MAPK8: variants seen among roughly 807,000 people sequenced by gnomAD.
The protein encoded by MAPK8 is JUN N-terminal kinase.
A neutral mutation model predicts 52.9 loss-of-function variants in MAPK8; 13 were observed. The observed-to-expected ratio is 0.25, with a 90% CI of 0.16 to 0.39. The LOEUF is 0.39. MAPK8 is among the 10% of genes least tolerant of loss of function. MAPK8 has a pLI of 1.00. For missense variants in MAPK8, 300 were observed against 519.2 expected, an observed-to-expected ratio of 0.58 and a Z score of 4.10; for synonymous variants, 191 against 169.8, an observed-to-expected ratio of 1.12 and a Z score of -0.97.
In MAPK8 at chr10:48,306,736, G is replaced by A. The variant is rs1364305903; in HGVS notation, c.-135G>A. On this transcript the variant is annotated 5_prime_UTR_variant, in exon 1 of 12. Transcript: ENST00000374189. ...GGCTTGGATTGCGGAGCCGCGAGCAGCGCTGGGTAACGGCCGCGGCGACCA... is the reference window on the plus strand; with the variant it reads ...GGCTTGGATTGCGGAGCCGCGAGCAACGCTGGGTAACGGCCGCGGCGACCA... 2 of 151,574 alleles carry A rather than the reference G, an allele frequency of 1.3e-5. No homozygotes were observed. The highest frequency in any genetic ancestry group is 1.3e-4 in the Admixed American group (2 of 15,240). The allele number at this position is 151,574 out of a possible 1,614,324, so 9.4% of individuals were successfully genotyped here. A position where few individuals can be genotyped will look rare whatever the true frequency, so the allele number is the denominator to read the frequency against.
At chr10:48,382,118 A>G (rs758705069) in intron 1 of MAPK8, among the ~76,000 whole-genome samples, 2 of 152,182 alleles carry the variant, frequency 1.3e-5, no homozygotes, top group African/African-American at 2.4e-5. Flanking sequence ...TAATGAGTCT[A>G]ATACATAAGC....
intron 1 of MAPK8, among the ~76,000 whole-genome samples, chr10:48,369,480 C>G (rs1247522474): frequency 1.3e-5 from 2 of 152,220 alleles, no homozygotes; most frequent in South Asian, 2.1e-4. Context: ...TTGAGATAGC[C>G]TCAAGACATC....
rs552716792 is a variant in MAPK8 at position 48,330,747 on chromosome 10, G to A, written c.-50+23926G>A. ...AGTACTATGGGGTTACAGTCTTCCCGGACGTTGCCTAAGTTTCATTATCCC... is the reference window on the plus strand; with the variant it reads ...AGTACTATGGGGTTACAGTCTTCCCAGACGTTGCCTAAGTTTCATTATCCC... On this transcript the variant is annotated intron_variant, in intron 1 of 11. Transcript: ENST00000374189. Among the ~76,000 whole-genome samples the A allele has an allele frequency of 6.6e-5, 10 of 152,204 alleles. No individual in the cohort carries two copies. The South Asian group carries it at 8.3e-4, about 13-fold the overall frequency.
chr10:48,419,211 G>C (rs1186377287), intron 5 of MAPK8, among the ~76,000 whole-genome samples: 1 of 152,110 alleles, frequency 6.6e-6, no homozygotes, highest in Non-Finnish European at 1.5e-5. Flanking sequence ...CATTACAAAA[G>C]TAATACAAAA....
rs531207302 is a variant in MAPK8 at position 48,435,663 on chromosome 10, G to A, written c.*634G>A. 18 of 152,290 alleles carry A rather than the reference G, an allele frequency of 1.2e-4. No individual in the cohort carries two copies. Among genetic ancestry groups the A allele is most frequent in the African/African-American group, 3.6e-4 (15 of 41,558 alleles). The allele number at this position is 152,290 out of a possible 1,614,324, so 9.4% of individuals were successfully genotyped here. On this transcript the variant is annotated 3_prime_UTR_variant, in exon 12 of 12. Transcript: ENST00000374189. ...CCTACTTAATTTTGGCAAAAGCCCC[G>A]TCATCTAAATGGCAGAATAACTCAG...
At chr10:48,403,874 G>A (rs1198036425) in intron 2 of MAPK8, among the ~76,000 whole-genome samples, 4 of 150,624 alleles carry the variant, frequency 2.7e-5, no homozygotes, top group Non-Finnish European at 5.9e-5. Context: ...TCAGCCTCCG[G>A]AGTAGCTGGG....
intron 1 of MAPK8, among the ~76,000 whole-genome samples, chr10:48,380,394 T>A (rs2132721763): frequency 6.6e-6 from 1 of 152,274 alleles, no homozygotes. Flanking sequence ...TTTCCATGTT[T>A]GAAATTTGAT....
chr10:48,399,480 A>G (rs574899444), intron 1 of MAPK8, among the ~76,000 whole-genome samples: 113 of 152,202 alleles, frequency 7.4e-4, no homozygotes, highest in Non-Finnish European at 1.4e-3. Flanking sequence ...ATCCATGCTC[A>G]TCTGCCTGCC....
intron 3 of MAPK8, among the ~76,000 whole-genome samples, chr10:48,405,641 G>T (rs770894475): frequency 6.6e-6 from 1 of 152,158 alleles, no homozygotes; most frequent in East Asian, 1.9e-4. Flanking sequence ...TCATACTTTT[G>T]TGATTGTTCT....
At chr10:48,429,622 A>G (rs1026079870) in intron 10 of MAPK8, among the ~76,000 whole-genome samples, 1 of 152,198 alleles carries the variant, frequency 6.6e-6, no homozygotes, top group Non-Finnish European at 1.5e-5. Context: ...CTCTTAAAAA[A>G]TCCTCTTACT....
At chr10:48,420,415 G>GC in intron 6 of MAPK8, 95 bp downstream of exon 6, 1 of 1,151,370 alleles carries the variant, frequency 8.7e-7, no homozygotes, top group South Asian at 2.0e-5. Context: ...GAAGTACGTT[G>GC]AGTTAAATGT....
At chr10:48,418,839 C>CT (rs1185548663) in intron 5 of MAPK8, among the ~76,000 whole-genome samples, 30 of 152,110 alleles carry the variant, frequency 2.0e-4, no homozygotes, top group African/African-American at 7.2e-4. Flanking sequence ...TTACTTTGCT[C>CT]TTAATTTTTT....
At chr10:48,325,858 T>A (rs1843467166) in intron 1 of MAPK8, 1 of 152,224 alleles carries the variant, frequency 6.6e-6, no homozygotes, top group African/African-American at 2.4e-5. Flanking sequence ...TTTTGTAGGA[T>A]ACCGTTTTAT....
chr10:48,414,570 T>A (rs2042959284), intron 5 of MAPK8, among the ~76,000 whole-genome samples: 1 of 42,778 alleles, frequency 2.3e-5, no homozygotes, highest in Non-Finnish European at 4.5e-5. Context: ...TGAAAAGAAT[T>A]TTTTTTTTTT....
intron 1 of MAPK8, among the ~76,000 whole-genome samples, chr10:48,396,016 G>A (rs1240296638): frequency 2.0e-5 from 3 of 151,830 alleles, no homozygotes; most frequent in Non-Finnish European, 2.9e-5. Flanking sequence ...CTTTTATAAG[G>A]AAACAAAAGA....
intron 7 of MAPK8, chr10:48,425,272 A>G: frequency 2.8e-6 from 2 of 703,110 alleles, no homozygotes; most frequent in South Asian, 3.2e-5. Flanking sequence ...ACTAGAGGAA[A>G]GGAGACCAAG....
intron 5 of MAPK8, among the ~76,000 whole-genome samples, chr10:48,419,124 T>G (rs1030419718): frequency 2.0e-5 from 3 of 152,214 alleles, no homozygotes; most frequent in Non-Finnish European, 4.4e-5. Context: ...ACCACTAGAT[T>G]ACATATCTTC....
chr10:48,399,124 C>T (rs969124162), intron 1 of MAPK8, among the ~76,000 whole-genome samples: 4 of 152,206 alleles, frequency 2.6e-5, no homozygotes, highest in African/African-American at 9.7e-5. Context: ...TGAGCCCAGA[C>T]TGGCATAGGC....
chr10:48,404,257 A>G (rs1341748400), intron 2 of MAPK8, among the ~76,000 whole-genome samples: 1 of 151,638 alleles, frequency 6.6e-6, no homozygotes, highest in Non-Finnish European at 1.5e-5. Flanking sequence ...CCCAGGTTCA[A>G]GTGATTCCCT....
Sources: allele counts gnomAD v4.1 joint callset (sites outside exome capture counted in the v4.1 genomes callset), GRCh38; gene constraint gnomAD v4.1.1; transcripts MANE v1.5; gene names NCBI Gene and HGNC (gene_info 2026-07-23, HGNC 2026-07-21).